EEF2KMT: variants seen among roughly 807,000 people sequenced by gnomAD.
EEF2KMT encodes the protein eukaryotic elongation factor 2 lysine methyltransferase.
Under a neutral mutation model 35.1 loss-of-function variants are expected in EEF2KMT, and 30 were observed. The observed-to-expected ratio is 0.85, with a 90% CI of 0.64 to 1.16. The LOEUF (loss-of-function observed/expected upper bound fraction) is 1.16. EEF2KMT is among the 50% of genes most tolerant of loss of function. EEF2KMT has a pLI of 0.00. For missense variants in EEF2KMT, 499 were observed against 438.2 expected (o/e 1.14, Z -1.24); for synonymous variants, 190 against 187.7 (o/e 1.01, Z -0.10).
chr16:5,093,704 C>T, intron 2 of EEF2KMT, 140 bp from the exon 3 acceptor site: 1 of 1,498,242 alleles, frequency 6.7e-7, no homozygotes, highest in Non-Finnish European at 8.9e-7. Context: ...GTTTTGGCCC[C>T]ATGCATCTGA....
rs112222260 is a variant in EEF2KMT at position 5,089,730 on chromosome 16, T to A, written c.742+354A>T. On this transcript the variant is annotated intron_variant, in intron 6 of 7. Transcript: ENST00000427587. ...TGAGTGTGCTGGCAGGGGTGAGGGG[T>A]TTTCGGTGGCCCAGCCAAACACCAC... Among the ~76,000 whole-genome samples, 1,034 of 151,758 alleles carry A rather than the reference T, an allele frequency of 6.8e-3. 19 individuals carry two copies. The highest frequency in any genetic ancestry group is 0.023 in the African/African-American group (954 of 41,386).
At chr16:5,088,804 C>T (rs1368383678) in intron 7 of EEF2KMT, among the ~76,000 whole-genome samples, 16 of 152,216 alleles carry the variant, frequency 1.1e-4, no homozygotes, top group Middle Eastern at 3.4e-3. Flanking sequence ...CTGCCCCTCC[C>T]GCCACCTCCA....
At position 5,091,680 on chromosome 16, in the gene EEF2KMT, G is replaced by C; in HGVS notation, c.342+114C>G. On this transcript the variant is annotated intron_variant, in intron 4 of 7. Coordinates refer to ENST00000427587, the MANE Select transcript of EEF2KMT (RefSeq NM_201400.4). ...GCTAAAGAAGGTTGACGGACCTCAT[G>C]TCTAAGACTGTAGAATGGGTGAGTC... 2.0e-6 allele frequency: 3 copies of C among 1,528,102 alleles called. No homozygotes were observed. In the East Asian group the frequency reaches 7.2e-5, roughly 37 times the overall value. 94.7% of individuals were successfully genotyped at this position (1,528,102 alleles called of 1,614,324 possible).
intron 4 of EEF2KMT, among the ~76,000 whole-genome samples, chr16:5,091,404 G>A (rs1414957933): frequency 6.6e-6 from 1 of 151,840 alleles, no homozygotes; most frequent in African/African-American, 2.4e-5. Context: ...TTTTAGTAGA[G>A]ACAGGGTTTC....
intron 1 of EEF2KMT, among the ~76,000 whole-genome samples, chr16:5,096,839 T>C (rs3890150): frequency 0.74 from 112,166 of 152,220 alleles, 41,558 homozygotes; most frequent in Middle Eastern, 0.81. Flanking sequence ...CCTATGATGC[T>C]TTTATGAAGG....
At chr16:5,097,622 C>T (rs1434123091) in intron 1 of EEF2KMT, 22 bp downstream of exon 1, 99 of 1,543,592 alleles carry the variant, frequency 6.4e-5, no homozygotes, top group Non-Finnish European at 8.5e-5. Flanking sequence ...CCGCGGGCCT[C>T]TCCGCTCGCC....
chr16:5,094,185 G>A (rs1238824893), intron 2 of EEF2KMT, among the ~76,000 whole-genome samples: 1 of 152,240 alleles, frequency 6.6e-6, no homozygotes, highest in African/African-American at 2.4e-5. Context: ...CACAGTGCCT[G>A]CTGGCTGGGA....
rs566193206 is a variant in EEF2KMT at position 5,097,589 on chromosome 16, C to A, written c.96+55G>T. On this transcript the variant is annotated intron_variant, in intron 1 of 7. Coordinates refer to ENST00000427587, the MANE Select transcript of EEF2KMT (RefSeq NM_201400.4). ...GCTTCAGCACGGAGACCCGTCCCGT[C>A]TGCCCCTGGACTCCCGCGAGCCCCG... The A allele has an allele frequency of 2.5e-3, 3,826 of 1,529,848 alleles. 84 individuals carry two copies. In the African/African-American group the frequency reaches 0.047, roughly 19 times the overall value. 94.8% of individuals were successfully genotyped at this position (1,529,848 alleles called of 1,614,324 possible). A position where few individuals can be genotyped will look rare whatever the true frequency, so the allele number is the denominator to read the frequency against.
rs1334574349 is a variant in EEF2KMT at position 5,097,720 on chromosome 16, G to A, written c.20C>T (p.Ala7Val). Residue 7 changes from alanine to valine, a missense_variant, in exon 1 of 8, where the codon GCG becomes GTG. By Grantham distance (64) the Ala-to-Val change is moderately conservative. Transcript: ENST00000427587. MAPEEN[A>V]GTELLLQSFE... Reference sequence around the variant, plus strand: ...ACTCTGCAGCAAGAGTTCGGTCCCCGCGTTCTCCTCGGGCGCCATGACGTG... The same window carrying A: ...ACTCTGCAGCAAGAGTTCGGTCCCCACGTTCTCCTCGGGCGCCATGACGTG... 4.5e-6 allele frequency: 7 copies of A among 1,571,566 alleles called. No individual in the cohort carries two copies. The highest frequency in any genetic ancestry group is 6.0e-6 in the Non-Finnish European group (7 of 1,163,866).
rs552272205 is a variant in EEF2KMT, at chr16:5,089,184, T to C, written c.815A>G (p.His272Arg). ...CACGTAGACCTCAGGAGCCCGCTGG[T>C]GCTCCCGGCAGGCAGCCAGCCTCCG... is the stretch of plus-strand genomic sequence containing the variant. ...VLRRLAACRE[H>R]QRAPEVYVAF... The change falls in exon 7 of 8, where the codon CAC (histidine) becomes CGC (arginine). Residue 272 changes from histidine to arginine, a missense_variant. Coordinates refer to ENST00000427587, the MANE Select transcript of EEF2KMT (RefSeq NM_201400.4). 9.5e-5 allele frequency: 153 copies of C among 1,611,740 alleles called. 1 individual carries two copies. The South Asian group carries it at 1.6e-3, about 17-fold the overall frequency.
At chr16:5,097,247 A>ACC in intron 1 of EEF2KMT, 1 of 1,288,878 alleles carries the variant, frequency 7.8e-7, no homozygotes, top group Non-Finnish European at 1.0e-6. Flanking sequence ...ACAGCCTGTG[A>ACC]CCCGGTCACC....
rs12931578 is a variant in EEF2KMT at position 5,087,748 on chromosome 16, G to T, written c.892+1359C>A. Among the ~76,000 whole-genome samples the T allele has an allele frequency of 3.5e-5, 5 of 142,930 alleles. No individual in the cohort carries two copies. The South Asian group carries it at 1.2e-3, about 33-fold the overall frequency. 93.8% of individuals were successfully genotyped at this position (142,930 alleles called of 152,430 possible). A position where few individuals can be genotyped will look rare whatever the true frequency, so the allele number is the denominator to read the frequency against. On this transcript the variant is annotated intron_variant, in intron 7 of 7. Transcript: ENST00000427587. ...GGGAGGTGGGAGGTTGCAGTGGGCCGAGATGGCACCACTGCACTCCAGCCT... is the reference window on the plus strand; with the variant it reads ...GGGAGGTGGGAGGTTGCAGTGGGCCTAGATGGCACCACTGCACTCCAGCCT...
At position 5,090,458 on chromosome 16, in the gene EEF2KMT, G is replaced by C; in HGVS notation, c.450C>G (p.Ile150Met). ...DAALYLAEWA[I>M]ENPAVFTNRT... ...TGTTAGTGAAGACTGCCGGGTTCTC[G>C]ATGGCCCATTCTGCAAGGTAGAGGG... is the stretch of plus-strand genomic sequence containing the variant. Residue 150 changes from isoleucine (I) to methionine (M), a missense_variant, in exon 5 of 8, where the codon ATC (isoleucine) becomes ATG (methionine). Ile to Met is a conservative substitution (Grantham distance 10). Transcript: ENST00000427587. This position sits in a 1 kb window ranked among gnomAD's most constrained non-coding sequence, Gnocchi z 4.1. The C allele has an allele frequency of 6.2e-7, 1 of 1,611,892 alleles. No individual in the cohort carries two copies. The highest frequency in any genetic ancestry group is 1.7e-5 in the Admixed American group (1 of 59,960).
intron 3 of EEF2KMT, among the ~76,000 whole-genome samples, chr16:5,092,118 G>C (rs1428495180): frequency 6.6e-6 from 1 of 151,930 alleles, no homozygotes; most frequent in Non-Finnish European, 1.5e-5. Flanking sequence ...AGGAGTTCGA[G>C]GACAGCCTGG....
intron 3 of EEF2KMT, 141 bp downstream of exon 3, chr16:5,093,343 T>C (rs4047469): frequency 7.7e-7 from 1 of 1,303,106 alleles, no homozygotes; most frequent in African/African-American, 1.5e-5. Flanking sequence ...ATGGGTCACA[T>C]GTGGCTGCAG....
intron 2 of EEF2KMT, among the ~76,000 whole-genome samples, chr16:5,094,980 G>T (rs1290251604): frequency 6.6e-6 from 1 of 152,212 alleles, no homozygotes; most frequent in Non-Finnish European, 1.5e-5. Context: ...TCAGGCTGTG[G>T]CTGGGCCGGG....
rs541579300 is a variant in EEF2KMT, at chr16:5,093,583, C to T, written c.160-19G>A. ...TCACAGTCTACGGCAAAGGACAGAA[C>T]GTTGGTTGCTCGAGAGCCCGTCTTA... On this transcript the variant is annotated intron_variant, in intron 2 of 7. Transcript: ENST00000427587. The T allele has an allele frequency of 3.3e-5, 53 of 1,611,984 alleles. No homozygotes were observed. The highest frequency in any genetic ancestry group is 2.5e-4 in the South Asian group (23 of 90,994).
Position 5,097,748 on chromosome 16 carries a change from C to T in EEF2KMT, c.-9G>A, listed in dbSNP as rs1310631264. 1 of 1,552,942 alleles carries T rather than the reference C, an allele frequency of 6.4e-7. No homozygotes were observed. The highest frequency in any genetic ancestry group is 8.7e-7 in the Non-Finnish European group (1 of 1,154,956). On this transcript the variant is annotated 5_prime_UTR_variant, in exon 1 of 8. Transcript: ENST00000427587. ...TTCTCCTCGGGCGCCATGACGTGGG[C>T]GGGGCCGCAGCGTTGCCGGCAGACC...
chr16:5,094,325 C>T (rs1264231771), intron 2 of EEF2KMT, among the ~76,000 whole-genome samples: 1 of 152,158 alleles, frequency 6.6e-6, no homozygotes, highest in South Asian at 2.1e-4. Context: ...TGCAGTGGCC[C>T]GATCTTGGCT....
Sources: gnomAD v4.1 joint callset for allele counts (sites outside exome capture counted in the v4.1 genomes callset) on GRCh38, gnomAD v4.1.1 for gene constraint, Gnocchi (gnomAD v3.1) non-coding constraint, MANE v1.5 for transcripts, NCBI Gene and HGNC (gene_info 2026-07-23, HGNC 2026-07-21) for gene names.